Variants in CLN8 observed in about 807,000 individuals in gnomAD.
CLN8 encodes CLN8 transmembrane ER and ERGIC protein, also known as protein CLN8.
CLN8 carries 14 observed loss-of-function variants against 15.7 expected under a neutral mutation model. The ratio of observed to expected loss-of-function variants is 0.89; its 90% confidence interval spans 0.59 to 1.39. CLN8 has a LOEUF of 1.39. Ranked by LOEUF, CLN8 falls within the 40% of genes most tolerant of loss-of-function variation. The probability of loss-of-function intolerance (pLI) is 0.00; values close to 1 mark genes in which losing one functional copy is unlikely to be tolerated. For synonymous variants in CLN8, 188 were observed against 151.0 expected (o/e 1.25, Z -1.80); for missense variants, 415 against 364.0 (o/e 1.14, Z -1.14).
At chr8:1,761,263 GT>G (rs966754943), upstream of CLN8, among the ~76,000 whole-genome samples, 1 of 152,026 alleles carries the variant, frequency 6.6e-6, no homozygotes, top group African/African-American at 2.4e-5. Context: ...AGAGCTGGCT[GT>G]GCGGGAGACC....
rs909555319 is a variant in CLN8 at position 1,786,177 on chromosome 8, C to G, written c.*5610C>G. On this transcript the variant is annotated 3_prime_UTR_variant, in exon 3 of 3. Transcript: ENST00000331222. ...GCACACGTGATTTTGTGTGACATGC[C>G]AGCAGCCTGGCTCCCAGGACAGGAG... 1 of 152,414 alleles carries G rather than the reference C, an allele frequency of 6.6e-6. No individual in the cohort carries two copies. Among genetic ancestry groups the G allele is most frequent in the Middle Eastern group, 3.1e-3 (1 of 318 alleles). The allele number at this position is 152,414 out of a possible 1,614,324, so 9.4% of individuals were successfully genotyped here. A position where few individuals can be genotyped will look rare whatever the true frequency, so the allele number is the denominator to read the frequency against.
At chr8:1,775,295 A>G (rs546261838) in intron 2 of CLN8, among the ~76,000 whole-genome samples, 22 of 152,288 alleles carry the variant, frequency 1.4e-4, no homozygotes, top group African/African-American at 5.3e-4. Context: ...ATTTTATATA[A>G]GGGACTTGAG....
At chr8:1,769,515 G>T (rs1801214796) in intron 1 of CLN8, among the ~76,000 whole-genome samples, 1 of 152,124 alleles carries the variant, frequency 6.6e-6, no homozygotes, top group Non-Finnish European at 1.5e-5. Flanking sequence ...AGTGACAAGA[G>T]TCCCCACTCC....
intron 2 of CLN8, 39 bp downstream of exon 2, chr8:1,771,636 C>T (rs777822558): frequency 1.5e-5 from 23 of 1,574,566 alleles, no homozygotes; most frequent in Admixed American, 3.5e-5. Flanking sequence ...ATGTGCCTCA[C>T]GCATTTAATC....
intron 2 of CLN8, among the ~76,000 whole-genome samples, chr8:1,778,647 G>A (rs1337443948): frequency 6.6e-6 from 1 of 152,226 alleles, no homozygotes; most frequent in Non-Finnish European, 1.5e-5. Flanking sequence ...AAGCCGCACT[G>A]GCGGTCTCTG....
chr8:1,774,545 CAGAACTAA>C (rs1336932065), intron 2 of CLN8, among the ~76,000 whole-genome samples: 4 of 152,144 alleles, frequency 2.6e-5, no homozygotes, highest in Non-Finnish European at 5.9e-5. Context: ...CTGATTTGAT[CAGAACTAA>C]AGGATGTAAA....
upstream of CLN8, chr8:1,758,763 T>C (rs1226657363): frequency 3.3e-5 from 5 of 152,220 alleles, no homozygotes; most frequent in East Asian, 1.9e-4. Flanking sequence ...TAAGTTATTA[T>C]TGTAGAGACC....
chr8:1,778,913 C>T (rs1367170552), intron 2 of CLN8, among the ~76,000 whole-genome samples: 1 of 152,162 alleles, frequency 6.6e-6, no homozygotes, highest in African/African-American at 2.4e-5. Context: ...AATGTGCAGC[C>T]TCCCGAACAT....
chr8:1,777,003 C>T lies in CLN8; in HGVS notation c.544-3247C>T, dbSNP rs74684313. On this transcript the variant is annotated intron_variant, in intron 2 of 2. Coordinates refer to ENST00000331222, the MANE Select transcript of CLN8 (RefSeq NM_018941.4). ...TGATACCGTTCCATGTACAGTCATACGTTGCTTAACGACGGGCTGTGTTCT... is the reference window on the plus strand; with the variant it reads ...TGATACCGTTCCATGTACAGTCATATGTTGCTTAACGACGGGCTGTGTTCT... Among the ~76,000 whole-genome samples the T allele has an allele frequency of 8.1e-3, 1,235 of 152,272 alleles. 30 individuals are homozygous for T. The highest frequency in any genetic ancestry group is 0.028 in the African/African-American group (1,177 of 41,540).
intron 1 of CLN8, among the ~76,000 whole-genome samples, chr8:1,766,383 G>GTTT (rs1447639643): frequency 2.5e-5 from 3 of 120,926 alleles, no homozygotes; most frequent in African/African-American, 6.6e-5. Flanking sequence ...TCGGCCTCCA[G>GTTT]TTTTTTGTTT....
At chr8:1,761,440 T>C (rs1800794404), upstream of CLN8, among the ~76,000 whole-genome samples, 1 of 152,190 alleles carries the variant, frequency 6.6e-6, no homozygotes, top group South Asian at 2.1e-4. Flanking sequence ...TTCTCCTGCC[T>C]CAGGCTCCCA....
upstream of CLN8, chr8:1,762,920 A>G (rs1273666110): frequency 6.6e-6 from 1 of 152,236 alleles, no homozygotes; most frequent in Non-Finnish European, 1.5e-5. Flanking sequence ...ACTCCTCTAG[A>G]TGTCGATTCT....
At position 1,780,598 on chromosome 8, in the gene CLN8, A is replaced by G. The variant is rs1801688317; in HGVS notation, c.*31A>G. The G allele has an allele frequency of 6.2e-7, 1 of 1,606,946 alleles. No homozygotes were observed. Among genetic ancestry groups the G allele is most frequent in the Non-Finnish European group, 8.5e-7 (1 of 1,174,736 alleles). ...CCAGCCGGGGCTCCGGGGCGGCAGC[A>G]GAGCTGGCACACCGATTCTGGGAAG... On this transcript the variant is annotated 3_prime_UTR_variant, in exon 3 of 3. Coordinates refer to ENST00000331222, the MANE Select transcript of CLN8 (RefSeq NM_018941.4).
chr8:1,780,672 T>G lies in CLN8; in HGVS notation c.*105T>G. On this transcript the variant is annotated 3_prime_UTR_variant, in exon 3 of 3. Coordinates refer to ENST00000331222, the MANE Select transcript of CLN8 (RefSeq NM_018941.4). ...TTAATGAGGCAGTGAATGTTTTGTG[T>G]TTACTTCTAAGGGAAATACTAACTT... is the stretch of plus-strand genomic sequence containing the variant. 1 of 1,053,832 alleles carries G rather than the reference T, an allele frequency of 9.5e-7. No homozygotes were observed. Among genetic ancestry groups the G allele is most frequent in the South Asian group, 1.4e-5 (1 of 70,828 alleles). The allele number at this position is 1,053,832 out of a possible 1,614,324, so 65.3% of individuals were successfully genotyped here.
Position 1,782,204 on chromosome 8 carries a change from G to A in CLN8, c.*1637G>A, listed in dbSNP as rs1234689255. The A allele has an allele frequency of 1.3e-5, 2 of 152,188 alleles. No homozygotes were observed. The highest frequency in any genetic ancestry group is 6.6e-5 in the Admixed American group (1 of 15,266). 9.4% of individuals were successfully genotyped at this position (152,188 alleles called of 1,614,324 possible). ...TTGGCTCCCAGGCTGGAGTCCAGTGGTGTGATCTCGGCTCACTGCAACCTC... is the reference window on the plus strand; with the variant it reads ...TTGGCTCCCAGGCTGGAGTCCAGTGATGTGATCTCGGCTCACTGCAACCTC... On this transcript the variant is annotated 3_prime_UTR_variant, in exon 3 of 3. Coordinates refer to ENST00000331222, the MANE Select transcript of CLN8 (RefSeq NM_018941.4).
rs143648768 is a variant in CLN8 at position 1,772,369 on chromosome 8, C to CT, written c.543+775dup. On this transcript the variant is annotated intron_variant, in intron 2 of 2. Transcript: ENST00000331222. ...ACCTAGCATAGTTATTTGCCTAGCA[C>CT]TTTCTTTCTGTTTTTGAAGAACATG... Among the ~76,000 whole-genome samples, 24 of 152,314 alleles carry CT rather than the reference C, an allele frequency of 1.6e-4. No homozygotes were observed. The East Asian group carries it at 4.6e-3, about 29-fold the overall frequency.
chr8:1,758,069 C>G (rs1280865286), intron 1 of CLN8: 1 of 151,678 alleles, frequency 6.6e-6, no homozygotes, highest in African/African-American at 2.4e-5. Context: ...GCATCAGAGC[C>G]CTTTAGTACG....
At position 1,784,621 on chromosome 8, in the gene CLN8, G is replaced by C. The variant is rs1413602748; in HGVS notation, c.*4054G>C. The C allele has an allele frequency of 6.6e-6, 1 of 152,362 alleles. No individual in the cohort carries two copies. The highest frequency in any genetic ancestry group is 6.5e-5 in the Admixed American group (1 of 15,282). 9.4% of individuals were successfully genotyped at this position (152,362 alleles called of 1,614,324 possible). A position where few individuals can be genotyped will look rare whatever the true frequency, so the allele number is the denominator to read the frequency against. ...TTGTGAGCTCCACACGGGCAGGGTT[G>C]CATCTGTTTTATTCTCTGATTGATT... On this transcript the variant is annotated 3_prime_UTR_variant, in exon 3 of 3. Transcript: ENST00000331222.
upstream of CLN8, among the ~76,000 whole-genome samples, chr8:1,761,556 C>G (rs1352881919): frequency 2.0e-5 from 3 of 152,220 alleles, no homozygotes; most frequent in African/African-American, 4.8e-5. Flanking sequence ...AACTTCTGAC[C>G]TCAAGTGATC....
Sources: allele counts gnomAD v4.1 joint callset (sites outside exome capture counted in the v4.1 genomes callset), GRCh38; gene constraint gnomAD v4.1.1; transcripts MANE v1.5; gene names NCBI Gene and HGNC (gene_info 2026-07-23, HGNC 2026-07-21).